The following KRT13 variants were observed in gnomAD, a reference collection of about 807,000 sequenced individuals.
The protein encoded by KRT13 is keratin, type I cytoskeletal 13.
In KRT13, 27 loss-of-function variants were observed where a neutral mutation model predicts 40.6. That is an observed-to-expected ratio of 0.67 (90% CI 0.49 to 0.92). The LOEUF is 0.92. Among genes scored for constraint, KRT13 ranks in the 40% least tolerant of loss-of-function variants. The pLI, the probability that KRT13 is intolerant of heterozygous loss-of-function variation, is 0.00. For synonymous variants in KRT13, 266 were observed against 240.3 expected (o/e 1.11, Z -0.99); for missense variants, 605 against 611.5 (o/e 0.99, Z 0.11).
rs149077503 is a variant in KRT13 at position 41,502,391 on chromosome 17, G to A, written c.1227C>T (p.Leu409=). The A allele has an allele frequency of 3.5e-5, 57 of 1,614,202 alleles. No individual in the cohort carries two copies. The highest frequency in any genetic ancestry group is 1.2e-4 in the African/African-American group (9 of 75,068). ...GGACCTACTTGGCGTCCTGGCCCTC[G>A]AGCAGGCTGCGGTAGGTGGCGATCT... is the stretch of plus-strand genomic sequence containing the variant. ...EQEIATYRSL[L]EGQDAKMIGF... The change falls in exon 6 of 8, where the codon CTC becomes CTT. Residue 409 remains leucine (L), a synonymous_variant. Coordinates refer to ENST00000246635, the MANE Select transcript of KRT13 (RefSeq NM_153490.3).
At chr17:41,501,889 G>T (rs1041441676) in intron 6 of KRT13, 145 bp from the exon 7 acceptor site, 2 of 1,528,350 alleles carry the variant, frequency 1.3e-6, no homozygotes, top group Non-Finnish European at 1.8e-6. Flanking sequence ...CAGCTCAAGG[G>T]ACAGCAGCAT....
chr17:41,504,477 A>T (rs1017255322), intron 1 of KRT13: 1 of 157,432 alleles, frequency 6.4e-6, no homozygotes, highest in Non-Finnish European at 1.4e-5. Context: ...CCTGCTCCAC[A>T]TGGCTGAGAC....
chr17:41,501,714 C>G lies in KRT13; in HGVS notation c.1270+5G>C. The G allele has an allele frequency of 1.9e-6, 3 of 1,585,320 alleles. No homozygotes were observed. The highest frequency in any genetic ancestry group is 2.6e-6 in the Non-Finnish European group (3 of 1,165,052). On this transcript the variant is annotated splice_donor_5th_base_variant and intron_variant, in intron 7 of 7. Transcript: ENST00000246635. ...TCCCCCTACACCACGGGGCTGTTCC[C>G]TTACCTGCTGAGGAAGGGAAACCAA...
chr17:41,502,279 C>G lies in KRT13; in HGVS notation c.1244+95G>C, dbSNP rs371531703. On this transcript the variant is annotated intron_variant, in intron 6 of 7. Coordinates refer to ENST00000246635, the MANE Select transcript of KRT13 (RefSeq NM_153490.3). Reference sequence around the variant, plus strand: ...AGTCAGACAGTGAGGGGTCTCCTCTCTGACATGAGGGGGTGGATCTCTAAG... The same window carrying G: ...AGTCAGACAGTGAGGGGTCTCCTCTGTGACATGAGGGGGTGGATCTCTAAG... The G allele has an allele frequency of 2.5e-6, 4 of 1,610,952 alleles. No individual in the cohort carries two copies. In the African/African-American group the frequency reaches 4.0e-5, roughly 16 times the overall value.
At chr17:41,503,262 A>T (rs1181682925) in intron 3 of KRT13, 25 bp downstream of exon 3, 2 of 1,613,936 alleles carry the variant, frequency 1.2e-6, no homozygotes, top group Non-Finnish European at 1.7e-6. Context: ...TGTTGAGCCC[A>T]GGGCAGCCTG....
intron 5 of KRT13, 35 bp downstream of exon 5, chr17:41,502,652 G>A (rs764975817): frequency 9.3e-6 from 15 of 1,613,234 alleles, no homozygotes; most frequent in Non-Finnish European, 1.2e-5. Context: ...GAAACCTAGA[G>A]GTGGTCGCCA....
rs201545698 is a variant in KRT13 at position 41,502,919 on chromosome 17, G to T, written c.897+18C>A. 3.0e-5 allele frequency: 49 copies of T among 1,613,998 alleles called. No individual in the cohort carries two copies. In the East Asian group the frequency reaches 1.0e-3, roughly 34 times the overall value. On this transcript the variant is annotated intron_variant, in intron 4 of 7. Coordinates refer to ENST00000246635, the MANE Select transcript of KRT13 (RefSeq NM_153490.3). Reference sequence around the variant, plus strand: ...TGGCTATATGGGATGGGCTATGTGGGGTGGGAGGGCCGGGTACCTTGGTGT... The same window carrying T: ...TGGCTATATGGGATGGGCTATGTGGTGTGGGAGGGCCGGGTACCTTGGTGT...
At chr17:41,504,945 G>A (rs1905004638) in intron 1 of KRT13, 111 bp downstream of exon 1, 2 of 1,302,578 alleles carry the variant, frequency 1.5e-6, no homozygotes, top group Middle Eastern at 1.9e-4. Context: ...CTTTTCCCCT[G>A]CAAGAAGTTT....
chr17:41,505,021 C>A, intron 1 of KRT13, 35 bp downstream of exon 1: 1 of 1,613,182 alleles, frequency 6.2e-7, no homozygotes, highest in South Asian at 1.1e-5. Flanking sequence ...CTCTGCCCTT[C>A]ATGGAGGACC....
intron 1 of KRT13, chr17:41,504,114 A>G (rs774208905): frequency 4.5e-5 from 13 of 292,128 alleles, no homozygotes; most frequent in Non-Finnish European, 7.2e-5. Context: ...CTGGGCCTCC[A>G]TTGCTCTTCT....
chr17:41,501,481 C>G, intron 7 of KRT13, 119 bp from the exon 8 acceptor site: 1 of 1,067,600 alleles, frequency 9.4e-7, no homozygotes, highest in South Asian at 1.4e-5. Flanking sequence ...GATGGAGACT[C>G]TTTATTGTCC....
chr17:41,505,599 G>A lies in KRT13; in HGVS notation c.-49C>T, dbSNP rs773889691. 2.5e-6 allele frequency: 4 copies of A among 1,611,436 alleles called. No homozygotes were observed. In the South Asian group the frequency reaches 4.4e-5, roughly 18 times the overall value. On this transcript the variant is annotated 5_prime_UTR_variant, in exon 1 of 8. Coordinates refer to ENST00000246635, the MANE Select transcript of KRT13 (RefSeq NM_153490.3). ...GTGCAGATAGAAGCTTGCTTGGCCT[G>A]GGCCGAGGACTGTGGCTCTTCCCCA...
chr17:41,502,733 C>T lies in KRT13; in HGVS notation c.977G>A (p.Arg326His), dbSNP rs762655823. The change falls in exon 5 of 8, where the codon CGC (arginine) becomes CAC (histidine). Residue 326 changes from arginine (R) to histidine (H), a missense_variant. By Grantham distance (29) the Arg-to-His change is conservative. Transcript: ENST00000246635. ...CTCAATCTCCAGGCCTTGGAGCGTGCGCCTGAGCTCCGTGATCTCTGTCTT... is the reference window on the plus strand; with the variant it reads ...CTCAATCTCCAGGCCTTGGAGCGTGTGCCTGAGCTCCGTGATCTCTGTCTT... ...TSKTEITELRRTLQGLEIELQ... is the reference protein window; with the variant it reads ...TSKTEITELRHTLQGLEIELQ... 4.2e-5 allele frequency: 67 copies of T among 1,614,022 alleles called. No individual in the cohort carries two copies. The highest frequency in any genetic ancestry group is 5.3e-5 in the Non-Finnish European group (63 of 1,180,048).
intron 7 of KRT13, 62 bp from the exon 8 acceptor site, chr17:41,501,424 G>C: frequency 7.2e-7 from 1 of 1,380,242 alleles, no homozygotes; most frequent in South Asian, 1.2e-5. Context: ...ACAGGGCAGG[G>C]CCCCCCTGGA....
chr17:41,502,327 C>T (rs369135048), intron 6 of KRT13, 47 bp downstream of exon 6: 29 of 1,613,060 alleles, frequency 1.8e-5, no homozygotes, highest in African/African-American at 4.0e-5. Flanking sequence ...CTGACACCCA[C>T]GGGTCCTGCA....
At chr17:41,504,736 C>G (rs1904999208) in intron 1 of KRT13, among the ~76,000 whole-genome samples, 1 of 152,180 alleles carries the variant, frequency 6.6e-6, no homozygotes, top group African/African-American at 2.4e-5. Context: ...GCTTTTAAAC[C>G]TGTCATGTTT....
intron 7 of KRT13, 171 bp from the exon 8 acceptor site, chr17:41,501,533 G>C: frequency 8.7e-7 from 1 of 1,154,788 alleles, no homozygotes; most frequent in South Asian, 1.4e-5. Context: ...AGCTCTGTGG[G>C]GCAGAGCCAT....
intron 1 of KRT13, chr17:41,504,179 T>C: frequency 4.5e-6 from 1 of 220,336 alleles, no homozygotes; most frequent in South Asian, 6.5e-5. Context: ...ACTTTAATAT[T>C]CCATGTCTGA....
At chr17:41,502,625 G>A (rs748511951) in intron 5 of KRT13, 31 bp from the exon 6 acceptor site, 1 of 1,613,144 alleles carries the variant, frequency 6.2e-7, no homozygotes, top group East Asian at 2.2e-5. Flanking sequence ...AAGTTACAGA[G>A]GGAGCCAGGC....
Sources: allele counts gnomAD v4.1 joint callset (sites outside exome capture counted in the v4.1 genomes callset), GRCh38; gene constraint gnomAD v4.1.1; transcripts MANE v1.5; gene names NCBI Gene and HGNC (gene_info 2026-07-23, HGNC 2026-07-21).